The following CMTM4 variants were observed in gnomAD, a reference collection of about 807,000 sequenced individuals.
The protein encoded by CMTM4 is CKLF like MARVEL transmembrane domain containing 4, also known as CKLF-like MARVEL transmembrane domain-containing protein 4.
CMTM4 carries 8 observed loss-of-function variants against 19.0 expected under a neutral mutation model. That is an observed-to-expected ratio of 0.42 (90% CI 0.25 to 0.76). The LOEUF (loss-of-function observed/expected upper bound fraction) is 0.76. CMTM4 is among the 30% of genes least tolerant of loss of function. The pLI is 0.27. For synonymous variants in CMTM4, 106 were observed against 121.1 expected (o/e 0.88, Z 0.82); for missense variants, 228 against 290.2 (o/e 0.79, Z 1.56).
In CMTM4 at chr16:66,696,303, C is replaced by T. The variant is rs2017234275; in HGVS notation, c.186+37G>A. The T allele has an allele frequency of 5.5e-6, 7 of 1,282,580 alleles. No homozygotes were observed. The highest frequency in any genetic ancestry group is 1.6e-5 in the African/African-American group (1 of 63,614). The allele number at this position is 1,282,580 out of a possible 1,614,324, so 79.4% of individuals were successfully genotyped here. A position where few individuals can be genotyped will look rare whatever the true frequency, so the allele number is the denominator to read the frequency against. On this transcript the variant is annotated intron_variant, in intron 1 of 3. Transcript: ENST00000394106. The surrounding 1 kb of genome is among the most constrained non-coding windows in gnomAD (Gnocchi z 4.3). ...GCGGGGAGGGAGGCGTGCGGCTAGG[C>T]CGCCCTCGGGCACCTGGGGCCCCGC...
At chr16:66,613,122 G>C, downstream of CMTM4, 1 of 703,054 alleles carries the variant, frequency 1.4e-6, no homozygotes, top group East Asian at 2.7e-5. Flanking sequence ...TGGTGACAAT[G>C]ACCCTTCCAA....
chr16:66,599,438 T>C, the CMTM4 span, among the ~76,000 whole-genome samples: 1 of 149,646 alleles, frequency 6.7e-6, no homozygotes, highest in South Asian at 2.1e-4. Context: ...TTCTTTCTTC[T>C]TTTTTTTTTC....
chr16:66,599,728 A>G, the CMTM4 span, among the ~76,000 whole-genome samples: 1 of 152,174 alleles, frequency 6.6e-6, no homozygotes, highest in Non-Finnish European at 1.5e-5. Context: ...AGGGAATTTA[A>G]CCATGTCTAT....
chr16:66,627,349 ACTGT>A (rs900850842), intron 2 of CMTM4, among the ~76,000 whole-genome samples: 4 of 152,214 alleles, frequency 2.6e-5, no homozygotes, highest in Non-Finnish European at 1.5e-5. Context: ...TACGCAAAAG[ACTGT>A]CTAGAGAGAA....
At chr16:66,603,166 G>T in the CMTM4 span, among the ~76,000 whole-genome samples, 4 of 152,218 alleles carry the variant, frequency 2.6e-5, no homozygotes, top group East Asian at 7.7e-4. Context: ...ACGGCAGTGG[G>T]ATGGTTGTCA....
chr16:66,609,943 G>A (rs777705777), downstream of CMTM4: 26 of 1,613,986 alleles, frequency 1.6e-5, no homozygotes, highest in Middle Eastern at 1.6e-4. The surrounding 1 kb of genome is among the most constrained non-coding windows in gnomAD (Gnocchi z 4.4). Flanking sequence ...CTTTAACGAC[G>A]TGGCCAAATT....
At chr16:66,695,347 AAG>A (rs150771379) in intron 1 of CMTM4, among the ~76,000 whole-genome samples, 10 of 151,780 alleles carry the variant, frequency 6.6e-5, no homozygotes, top group African/African-American at 1.7e-4. Flanking sequence ...GGTCTCAAAA[AAG>A]AGAGAGAGAG....
intron 1 of CMTM4, among the ~76,000 whole-genome samples, chr16:66,647,131 C>T (rs1270164797): frequency 1.6e-4 from 21 of 132,192 alleles, no homozygotes; most frequent in African/African-American, 4.9e-4. Context: ...CTGGCTAATA[C>T]GGTGAAACCC....
chr16:66,683,491 C>T (rs1033166606), intron 1 of CMTM4, among the ~76,000 whole-genome samples: 9 of 151,142 alleles, frequency 6.0e-5, no homozygotes, highest in African/African-American at 1.7e-4. Context: ...CAGGGTTTCA[C>T]CATGTTAGCC....
chr16:66,609,373 G>T, the CMTM4 span: 1 of 1,452,618 alleles, frequency 6.9e-7, no homozygotes, highest in South Asian at 1.2e-5. The surrounding 1 kb of genome is among the most constrained non-coding windows in gnomAD (Gnocchi z 4.4). Context: ...AGGCTGCCAG[G>T]CCTCCTCCCC....
At chr16:66,626,201 G>A (rs893226814) in intron 2 of CMTM4, among the ~76,000 whole-genome samples, 7 of 152,182 alleles carry the variant, frequency 4.6e-5, no homozygotes, top group South Asian at 2.1e-4. Flanking sequence ...TTGGGAGGCC[G>A]AGGTGGGCGG....
At position 66,617,235 on chromosome 16, in the gene CMTM4, T is replaced by C. The variant is rs750958182; in HGVS notation, c.*4823A>G. ...AAACATAGACAACAAACTTACCCTA[T>C]GAAATAGATACACAGTTCAAGGACC... On this transcript the variant is annotated 3_prime_UTR_variant, in exon 4 of 4. Coordinates refer to ENST00000394106, the MANE Select transcript of CMTM4 (RefSeq NM_181521.3). The C allele has an allele frequency of 2.5e-6, 4 of 1,588,612 alleles. No homozygotes were observed. In the East Asian group the frequency reaches 9.0e-5, roughly 36 times the overall value.
intron 1 of CMTM4, among the ~76,000 whole-genome samples, chr16:66,674,546 T>G (rs2016770543): frequency 6.6e-6 from 1 of 151,958 alleles, no homozygotes; most frequent in South Asian, 2.1e-4. Context: ...GATGGTAACT[T>G]AGGTTCTCAG....
At chr16:66,669,513 G>C (rs1378195930) in intron 1 of CMTM4, among the ~76,000 whole-genome samples, 1 of 150,844 alleles carries the variant, frequency 6.6e-6, no homozygotes, top group Non-Finnish European at 1.5e-5. Flanking sequence ...AACATCCTTG[G>C]CATGTGCCCA....
chr16:66,692,211 C>G (rs981969606), intron 1 of CMTM4, among the ~76,000 whole-genome samples: 1 of 152,126 alleles, frequency 6.6e-6, no homozygotes, highest in Non-Finnish European at 1.5e-5. Flanking sequence ...CTGCCTCAGC[C>G]TCTGGAGTAT....
At chr16:66,658,091 G>A (rs994066829) in intron 1 of CMTM4, among the ~76,000 whole-genome samples, 1 of 152,074 alleles carries the variant, frequency 6.6e-6, no homozygotes, top group Admixed American at 6.6e-5. Flanking sequence ...TTAGCTGGAC[G>A]TTGTGATACA....
At chr16:66,680,588 C>T (rs960144236) in intron 1 of CMTM4, among the ~76,000 whole-genome samples, 3 of 151,510 alleles carry the variant, frequency 2.0e-5, no homozygotes, top group Admixed American at 6.6e-5. Context: ...TCATGGCTAA[C>T]GCGGTGAAAC....
intron 1 of CMTM4, among the ~76,000 whole-genome samples, chr16:66,644,517 G>A (rs190970172): frequency 1.3e-5 from 2 of 152,178 alleles, no homozygotes; most frequent in African/African-American, 4.8e-5. Flanking sequence ...TCAAAAGAAG[G>A]CCCCCCCTTT....
chr16:66,612,940 A>G (rs1010486890), downstream of CMTM4: 4 of 649,006 alleles, frequency 6.2e-6, no homozygotes, highest in Non-Finnish European at 1.1e-5. The surrounding 1 kb of genome is among the most constrained non-coding windows in gnomAD (Gnocchi z 6.0). Context: ...CAAGGAGACA[A>G]AGCAGAGCCT....
Sources: gnomAD v4.1 joint callset for allele counts (sites outside exome capture counted in the v4.1 genomes callset) on GRCh38, gnomAD v4.1.1 for gene constraint, Gnocchi (gnomAD v3.1) non-coding constraint, MANE v1.5 for transcripts, NCBI Gene and HGNC (gene_info 2026-07-23, HGNC 2026-07-21) for gene names.